Variants in TMEM108 observed in about 807,000 individuals in gnomAD.
TMEM108 encodes the protein transmembrane protein 108.
A neutral mutation model predicts 35.1 loss-of-function variants in TMEM108; 12 were observed. The observed-to-expected ratio is 0.34, with a 90% confidence interval of 0.22 to 0.55. TMEM108 has a LOEUF of 0.55. TMEM108 is among the 20% of genes least tolerant of loss of function. The pLI, the probability that TMEM108 is intolerant of heterozygous loss-of-function variation, is 0.89. For missense variants in TMEM108, 680 were observed against 753.3 expected (o/e 0.90, Z 1.14); for synonymous variants, 287 against 308.6 (o/e 0.93, Z 0.73).
intron 2 of TMEM108, among the ~76,000 whole-genome samples, chr3:133,116,377 T>G (rs906398941): frequency 2.0e-5 from 3 of 152,198 alleles, no homozygotes; most frequent in African/African-American, 7.2e-5. Context: ...TGTTTAGATA[T>G]GTTATAACAA....
Position 133,380,066 on chromosome 3 carries a change from C to T in TMEM108, c.355C>T (p.Pro119Ser), listed in dbSNP as rs201342829. 61 of 1,613,986 alleles carry T rather than the reference C, an allele frequency of 3.8e-5. No individual in the cohort carries two copies. Among genetic ancestry groups the T allele is most frequent in the Non-Finnish European group, 5.0e-5 (59 of 1,179,982 alleles). Residue 119 changes from proline (P) to serine (S), a missense_variant, in exon 4 of 6, where the codon CCA becomes TCA. Physicochemically the swap from Pro to Ser is moderately conservative, Grantham distance 74 (BLOSUM62 -1). Transcript: ENST00000321871. The surrounding 1 kb of genome is among the most constrained non-coding windows in gnomAD (Gnocchi z 5.3). Reference sequence around the variant, plus strand: ...AAGCTCCCTGTCCACAGGGCCCGCTCCAGCAGCCATGGCAACCACATCCTC... The same window carrying T: ...AAGCTCCCTGTCCACAGGGCCCGCTTCAGCAGCCATGGCAACCACATCCTC... ...SESSLSTGPA[P>S]AAMATTSSKP...
At chr3:133,222,189 G>A (rs1946001941) in intron 2 of TMEM108, among the ~76,000 whole-genome samples, 1 of 151,924 alleles carries the variant, frequency 6.6e-6, no homozygotes, top group Non-Finnish European at 1.5e-5. Context: ...GCTGGTTTCA[G>A]GGGTTTTTTT....
intron 2 of TMEM108, among the ~76,000 whole-genome samples, chr3:133,195,326 A>G (rs997590327): frequency 3.9e-5 from 6 of 152,180 alleles, no homozygotes; most frequent in Non-Finnish European, 8.8e-5. Context: ...AGACTAAGAC[A>G]AGATCCAAGA....
intron 3 of TMEM108, among the ~76,000 whole-genome samples, chr3:133,372,091 G>A (rs1387406640): frequency 6.6e-6 from 1 of 152,198 alleles, no homozygotes; most frequent in African/African-American, 2.4e-5. Context: ...AGGCAAAAAA[G>A]CTAAAGCTGA....
At chr3:133,157,361 G>A (rs1030625364) in intron 2 of TMEM108, among the ~76,000 whole-genome samples, 1 of 152,158 alleles carries the variant, frequency 6.6e-6, no homozygotes, top group Non-Finnish European at 1.5e-5. Flanking sequence ...AAGTTTCTAT[G>A]TAGATCATAA....
chr3:133,250,757 A>T (rs1177920921), intron 3 of TMEM108, among the ~76,000 whole-genome samples: 1 of 152,166 alleles, frequency 6.6e-6, no homozygotes, highest in Non-Finnish European at 1.5e-5. Flanking sequence ...TTCTGTTCTG[A>T]TATGGAAATA....
At chr3:133,091,745 G>A (rs1943948950) in intron 2 of TMEM108, among the ~76,000 whole-genome samples, 1 of 152,174 alleles carries the variant, frequency 6.6e-6, no homozygotes, top group African/African-American at 2.4e-5. Context: ...GCTAGAAGAG[G>A]CAGTAGAGAA....
chr3:133,391,914 G>C (rs1004338678), intron 5 of TMEM108, among the ~76,000 whole-genome samples: 5 of 152,006 alleles, frequency 3.3e-5, no homozygotes, highest in African/African-American at 1.2e-4. Context: ...TATTAGTTTA[G>C]TACCCCTCTC....
chr3:133,268,819 A>G (rs2107680569), intron 3 of TMEM108, among the ~76,000 whole-genome samples: 1 of 152,326 alleles, frequency 6.6e-6, no homozygotes, highest in East Asian at 1.9e-4. Flanking sequence ...GGAATGGAAT[A>G]ATGTGATAAA....
chr3:133,157,278 C>A (rs1213105532), intron 2 of TMEM108, among the ~76,000 whole-genome samples: 5 of 152,156 alleles, frequency 3.3e-5, no homozygotes, highest in African/African-American at 1.2e-4. Flanking sequence ...CAGACCAGGA[C>A]TAGAACTGGG....
chr3:133,159,565 C>CATT (rs1944931690), intron 2 of TMEM108, among the ~76,000 whole-genome samples: 1 of 152,196 alleles, frequency 6.6e-6, no homozygotes, highest in East Asian at 1.9e-4. Context: ...AAGAAGCCCA[C>CATT]TATGATGATG....
chr3:133,180,187 G>T (rs1252112229), intron 2 of TMEM108, among the ~76,000 whole-genome samples: 1 of 151,996 alleles, frequency 6.6e-6, no homozygotes, highest in Non-Finnish European at 1.5e-5. Flanking sequence ...ATCTAATGTG[G>T]GGGAGAGGGA....
chr3:133,095,891 C>T (rs1254171493), intron 2 of TMEM108, among the ~76,000 whole-genome samples: 2 of 152,172 alleles, frequency 1.3e-5, no homozygotes, highest in African/African-American at 4.8e-5. Flanking sequence ...GGGTTTGGGA[C>T]CCCTGCCATA....
intron 2 of TMEM108, among the ~76,000 whole-genome samples, chr3:133,210,724 G>C (rs1278899215): frequency 1.3e-5 from 2 of 152,156 alleles, no homozygotes; most frequent in Non-Finnish European, 2.9e-5. Context: ...TTCACTGTGG[G>C]ACTAAGCATT....
intron 3 of TMEM108, among the ~76,000 whole-genome samples, chr3:133,231,606 A>C (rs1443125376): frequency 6.6e-6 from 1 of 152,182 alleles, no homozygotes; most frequent in African/African-American, 2.4e-5. Context: ...AATAATACGC[A>C]TGCCACATTG....
intron 2 of TMEM108, among the ~76,000 whole-genome samples, chr3:133,220,126 C>T (rs1460173185): frequency 3.4e-5 from 5 of 146,076 alleles, no homozygotes; most frequent in African/African-American, 7.5e-5. Context: ...CTTTTTTATC[C>T]GATAAAAGTA....
At chr3:133,338,347 A>C (rs2071561136) in intron 3 of TMEM108, among the ~76,000 whole-genome samples, 1 of 152,150 alleles carries the variant, frequency 6.6e-6, no homozygotes, top group Non-Finnish European at 1.5e-5. Flanking sequence ...GGTACAGTAC[A>C]TCTGGCAGCA....
chr3:133,370,770 C>T (rs182337146), intron 3 of TMEM108, among the ~76,000 whole-genome samples: 12 of 152,140 alleles, frequency 7.9e-5, no homozygotes, highest in Admixed American at 7.8e-4. Context: ...AATTGTATTT[C>T]CTTCTATACT....
At chr3:133,276,478 G>A (rs2107685412) in intron 3 of TMEM108, among the ~76,000 whole-genome samples, 1 of 152,324 alleles carries the variant, frequency 6.6e-6, no homozygotes, top group Non-Finnish European at 1.5e-5. Flanking sequence ...CCTGATGTGG[G>A]CCTTGATCAT....
Sources: gnomAD v4.1 joint callset for allele counts (sites outside exome capture counted in the v4.1 genomes callset) on GRCh38, gnomAD v4.1.1 for gene constraint, Gnocchi (gnomAD v3.1) non-coding constraint, MANE v1.5 for transcripts, NCBI Gene and HGNC (gene_info 2026-07-23, HGNC 2026-07-21) for gene names.